UBR3: variants seen among roughly 807,000 people sequenced by gnomAD.
The protein encoded by UBR3 is E3 ubiquitin-protein ligase UBR3.
A neutral mutation model predicts 243.2 loss-of-function variants in UBR3; 85 were observed. That is an observed-to-expected ratio of 0.35 (90% confidence interval 0.29 to 0.42). The LOEUF (loss-of-function observed/expected upper bound fraction) is 0.42, where lower values mean the gene tolerates loss of function less well. Among genes scored for constraint, UBR3 ranks in the 10% least tolerant of loss-of-function variants. The pLI is 1.00. For missense variants in UBR3, 1,686 were observed against 2,300.8 expected, an observed-to-expected ratio of 0.73 and a Z score of 5.47; for synonymous variants, 748 against 799.8, an observed-to-expected ratio of 0.94 and a Z score of 1.09.
At chr2:169,920,361 A>C (rs2085648704) in intron 11 of UBR3, among the ~76,000 whole-genome samples, 1 of 152,284 alleles carries the variant, frequency 6.6e-6, no homozygotes, top group Admixed American at 6.5e-5. Context: ...GATATACCTA[A>C]TGTTAAATGA....
intron 1 of UBR3, among the ~76,000 whole-genome samples, chr2:169,842,705 G>A (rs1242114888): frequency 6.6e-6 from 1 of 152,046 alleles, no homozygotes; most frequent in Non-Finnish European, 1.5e-5. Context: ...GCGAGACCAC[G>A]AACCCACCAG....
chr2:169,949,077 A>G (rs920545670), intron 22 of UBR3, among the ~76,000 whole-genome samples: 2 of 152,042 alleles, frequency 1.3e-5, no homozygotes, highest in Admixed American at 1.3e-4. Flanking sequence ...TTATATTTCA[A>G]TTTAGTAACT....
intron 2 of UBR3, among the ~76,000 whole-genome samples, chr2:169,873,544 G>A (rs1241317648): frequency 6.6e-6 from 1 of 151,908 alleles, no homozygotes; most frequent in Non-Finnish European, 1.5e-5. Context: ...GTGGTGGCAT[G>A]TGCCTGTAGT....
At position 169,935,208 on chromosome 2, in the gene UBR3, C is replaced by T. The variant is rs558677373; in HGVS notation, c.2663+2200C>T. The stretch of plus-strand genomic sequence containing the variant: ...TGAGACAAGGTCTCACTTTGTCACC[C>T]AGGCTGGAGTGCAGTGGCGTGATCA... On this transcript the variant is annotated intron_variant, in intron 19 of 38. Transcript: ENST00000272793. 9.8e-5 allele frequency among the ~76,000 whole-genome samples: 15 copies of T among 152,294 alleles called. No individual in the cohort carries two copies. The South Asian group carries it at 3.1e-3, about 32-fold the overall frequency.
chr2:169,908,497 A>T (rs1238584415), intron 10 of UBR3, among the ~76,000 whole-genome samples: 1 of 152,214 alleles, frequency 6.6e-6, no homozygotes, highest in African/African-American at 2.4e-5. Context: ...TATTCAAAAA[A>T]TATATGCCAG....
intron 26 of UBR3, among the ~76,000 whole-genome samples, chr2:169,995,695 G>A (rs545302230): frequency 3.2e-4 from 49 of 152,194 alleles, no homozygotes; most frequent in Middle Eastern, 6.8e-3. Context: ...ATTTCATTAT[G>A]ATACTTTTAA....
At chr2:169,857,072 T>TG (rs2082907451) in intron 1 of UBR3, among the ~76,000 whole-genome samples, 1 of 120,296 alleles carries the variant, frequency 8.3e-6, no homozygotes, top group Non-Finnish European at 1.7e-5. Context: ...ATGTTTTTTT[T>TG]TTTTTTTTTT....
At chr2:169,876,844 A>G (rs761433710) in intron 3 of UBR3, among the ~76,000 whole-genome samples, 1 of 152,150 alleles carries the variant, frequency 6.6e-6, no homozygotes, top group African/African-American at 2.4e-5. Flanking sequence ...GATTACAGGC[A>G]TGAGCCACCA....
In UBR3 at chr2:169,978,091, G is replaced by A. The variant is rs186174917; in HGVS notation, c.3635-8554G>A. ...GTGTTCAACATCAGCAATAACTGTG[G>A]CCTAGGCTATAGAAGTTTGTGGTAG... is the stretch of plus-strand genomic sequence containing the variant. On this transcript the variant is annotated intron_variant, in intron 24 of 38. Transcript: ENST00000272793. Among the ~76,000 whole-genome samples the A allele has an allele frequency of 1.1e-4, 17 of 152,248 alleles. No homozygotes were observed. The East Asian group carries it at 3.1e-3, about 28-fold the overall frequency.
chr2:169,845,495 GTCGTCA>G (rs754473156), intron 1 of UBR3, among the ~76,000 whole-genome samples: 9,516 of 50,282 alleles, frequency 0.19, 378 homozygotes, highest in Non-Finnish European at 0.3. Flanking sequence ...TTCCCTCTTC[GTCGTCA>G]TCGTCGTCGT....
chr2:169,971,686 T>A (rs2088155192), intron 24 of UBR3, among the ~76,000 whole-genome samples: 1 of 152,156 alleles, frequency 6.6e-6, no homozygotes, highest in East Asian at 1.9e-4. Context: ...TTGATCTATA[T>A]CTCTGTTTTG....
intron 29 of UBR3, among the ~76,000 whole-genome samples, chr2:170,010,216 A>G (rs887876083): frequency 1.3e-5 from 2 of 152,198 alleles, no homozygotes; most frequent in African/African-American, 2.4e-5. Context: ...AAAAGACACT[A>G]TGTGAAAACA....
Position 169,878,375 on chromosome 2 carries a change from A to G in UBR3, c.989-150A>G, listed in dbSNP as rs879242690. On this transcript the variant is annotated intron_variant, in intron 4 of 38. Coordinates refer to ENST00000272793, the MANE Select transcript of UBR3 (RefSeq NM_172070.4). ...GAATCCCGTCTCAAAAAAAAAAAAA[A>G]AAGTTGGACTTTGCCAAGATAACTG... The G allele has an allele frequency of 2.6e-3, 1,879 of 720,554 alleles. 2 individuals carry two copies. Among genetic ancestry groups the G allele is most frequent in the South Asian group, 7.0e-3 (325 of 46,482 alleles). The allele number at this position is 720,554 out of a possible 1,614,324, so 44.6% of individuals were successfully genotyped here.
chr2:169,994,761 A>T (rs1327847259), intron 26 of UBR3, among the ~76,000 whole-genome samples: 1 of 152,240 alleles, frequency 6.6e-6, no homozygotes, highest in Non-Finnish European at 1.5e-5. Flanking sequence ...TATAATGTTG[A>T]TGAGAAAAAA....
chr2:169,941,226 G>A lies in UBR3; in HGVS notation c.2664-1267G>A, dbSNP rs1226697452. On this transcript the variant is annotated intron_variant, in intron 19 of 38. Transcript: ENST00000272793. ...TAACAGGAGTGAGTATAGTACAATG[G>A]TCCCCCTCTTATCCTCAGGACATGT... Among the ~76,000 whole-genome samples the A allele has an allele frequency of 2.0e-5, 3 of 152,146 alleles. No homozygotes were observed. The East Asian group carries it at 5.8e-4, about 29-fold the overall frequency.
At chr2:170,035,340 G>A (rs1188824356) in intron 31 of UBR3, among the ~76,000 whole-genome samples, 1 of 151,924 alleles carries the variant, frequency 6.6e-6, no homozygotes, top group Non-Finnish European at 1.5e-5. Context: ...TAATTTTTGT[G>A]AAGGGCATAG....
At chr2:169,905,430 A>T in intron 9 of UBR3, 137 bp downstream of exon 9, 1 of 608,558 alleles carries the variant, frequency 1.6e-6, no homozygotes, top group Non-Finnish European at 2.5e-6. Context: ...GGTATTTGTA[A>T]GTACTTTAAT....
At chr2:170,001,079 C>G (rs2089678141) in intron 26 of UBR3, among the ~76,000 whole-genome samples, 1 of 152,110 alleles carries the variant, frequency 6.6e-6, no homozygotes, top group African/African-American at 2.4e-5. Flanking sequence ...TATTCTCTTT[C>G]ATTATGAGTA....
intron 27 of UBR3, among the ~76,000 whole-genome samples, chr2:170,001,912 CAAAAAAAAAAAAAAAAAAAA>C (rs71006062): frequency 3.0e-5 from 2 of 67,510 alleles, no homozygotes; most frequent in African/African-American, 7.1e-5. Context: ...GACTCCATCT[CAAAAAAAAAAAAAAAAAAAA>C]AAAAAAAAAA....
Sources: gnomAD v4.1 joint callset for allele counts (sites outside exome capture counted in the v4.1 genomes callset) on GRCh38, gnomAD v4.1.1 for gene constraint, MANE v1.5 for transcripts, NCBI Gene and HGNC (gene_info 2026-07-23, HGNC 2026-07-21) for gene names.